LONP2: variants seen among roughly 807,000 people sequenced by gnomAD.
LONP2 encodes lon protease homolog 2, peroxisomal.
In LONP2, 60 loss-of-function variants were observed where a neutral mutation model predicts 85.6. That is an observed-to-expected ratio of 0.70 (90% confidence interval 0.57 to 0.87). LONP2 has a LOEUF of 0.87. Ranked by LOEUF, LONP2 falls within the 40% of genes least tolerant of loss-of-function variation. LONP2 has a pLI of 0.00. For missense variants in LONP2, 860 were observed against 1,063.5 expected (o/e 0.81, Z 2.66); for synonymous variants, 395 against 389.7 (o/e 1.01, Z -0.16).
chr16:48,273,350 G>T (rs969193708), intron 7 of LONP2, among the ~76,000 whole-genome samples: 1 of 152,098 alleles, frequency 6.6e-6, no homozygotes, highest in African/African-American at 2.4e-5. Flanking sequence ...TGTTTTTTAT[G>T]GTTAAATGAT....
chr16:48,285,305 C>A (rs764166132), intron 8 of LONP2, among the ~76,000 whole-genome samples: 14 of 151,940 alleles, frequency 9.2e-5, no homozygotes, highest in Non-Finnish European at 2.1e-4. Context: ...GACAGATTGA[C>A]TGTGTTTATG....
intron 11 of LONP2, among the ~76,000 whole-genome samples, chr16:48,318,031 T>C (rs1273186953): frequency 6.6e-6 from 1 of 152,006 alleles, no homozygotes; most frequent in Non-Finnish European, 1.5e-5. Context: ...TACATCCTTT[T>C]ATTATGTGGT....
chr16:48,351,081 A>C (rs1013056234), intron 14 of LONP2, among the ~76,000 whole-genome samples: 1 of 152,192 alleles, frequency 6.6e-6, no homozygotes, highest in Admixed American at 6.5e-5. Context: ...CATTGTAGAC[A>C]TGTTTGAAAG....
downstream of LONP2, among the ~76,000 whole-genome samples, chr16:48,357,512 C>G (rs934651039): frequency 6.6e-6 from 1 of 152,212 alleles, no homozygotes; most frequent in Non-Finnish European, 1.5e-5. Flanking sequence ...ATACCACAGT[C>G]CTGCGTGGTA....
At chr16:48,336,382 G>A (rs1206677646) in intron 12 of LONP2, 1 of 456,236 alleles carries the variant, frequency 2.2e-6, no homozygotes, top group South Asian at 1.5e-5. Context: ...TAGCCATTTT[G>A]TCTTTTATAG....
intron 11 of LONP2, among the ~76,000 whole-genome samples, chr16:48,309,815 T>C (rs1972991973): frequency 1.3e-5 from 2 of 152,212 alleles, no homozygotes; most frequent in Admixed American, 1.3e-4. Context: ...ATGTATCTTT[T>C]GTGGTTGTTG....
chr16:48,285,555 G>A (rs1367805849), intron 8 of LONP2, among the ~76,000 whole-genome samples: 2 of 151,910 alleles, frequency 1.3e-5, no homozygotes, highest in Non-Finnish European at 2.9e-5. Context: ...TCTTCAGACA[G>A]GATCATCTCA....
At chr16:48,253,093 A>G (rs1264683335) in intron 2 of LONP2, among the ~76,000 whole-genome samples, 2 of 152,234 alleles carry the variant, frequency 1.3e-5, no homozygotes, top group Non-Finnish European at 2.9e-5. Flanking sequence ...GTGTGGGGCA[A>G]GTGTTCATAG....
intron 8 of LONP2, among the ~76,000 whole-genome samples, chr16:48,293,296 C>T (rs373910447): frequency 6.6e-5 from 10 of 152,002 alleles, no homozygotes; most frequent in African/African-American, 2.4e-4. Context: ...TGCATGGTGG[C>T]GGGCGCCTGT....
At chr16:48,296,208 A>G in intron 9 of LONP2, 43 bp downstream of exon 9, 1 of 1,589,932 alleles carries the variant, frequency 6.3e-7, no homozygotes, top group Non-Finnish European at 8.6e-7. Context: ...TGCCTTTCTG[A>G]CCATAACTTT....
intron 12 of LONP2, among the ~76,000 whole-genome samples, chr16:48,343,394 A>G (rs1313309399): frequency 2.6e-5 from 4 of 152,164 alleles, no homozygotes; most frequent in African/African-American, 9.7e-5. Flanking sequence ...AACTAATAGC[A>G]TTGATGTATT....
intron 6 of LONP2, among the ~76,000 whole-genome samples, chr16:48,263,112 G>A (rs1971912605): frequency 6.6e-6 from 1 of 152,094 alleles, no homozygotes; most frequent in African/African-American, 2.4e-5. Flanking sequence ...AATCTTCATA[G>A]CCATAAACAT....
In LONP2 at chr16:48,352,845, T is replaced by C. The variant is rs919971350; in HGVS notation, c.*1043T>C. On this transcript the variant is annotated 3_prime_UTR_variant, in exon 15 of 15. Transcript: ENST00000285737. ...GAGGGAGGCAGCCATCCATCTGGGA[T>C]GGTCCTAAGCATGGAATCCTAACTC... 2.0e-5 allele frequency: 3 copies of C among 151,834 alleles called. No homozygotes were observed. Among genetic ancestry groups the C allele is most frequent in the Non-Finnish European group, 4.4e-5 (3 of 68,018 alleles). 9.4% of individuals were successfully genotyped at this position (151,834 alleles called of 1,614,324 possible). A position where few individuals can be genotyped will look rare whatever the true frequency, so the allele number is the denominator to read the frequency against.
intron 1 of LONP2, 36 bp downstream of exon 1, chr16:48,244,657 C>G: frequency 7.6e-7 from 1 of 1,312,668 alleles, no homozygotes; most frequent in Admixed American, 4.2e-5. Flanking sequence ...CGGCGGGCGG[C>G]GCGGCCTCCT....
intron 12 of LONP2, among the ~76,000 whole-genome samples, chr16:48,347,164 A>G (rs1959990952): frequency 1.3e-5 from 2 of 152,128 alleles, no homozygotes; most frequent in Admixed American, 1.3e-4. Context: ...AAATATATAT[A>G]TATTTGCAGC....
At chr16:48,299,221 C>T (rs1257720370) in intron 9 of LONP2, among the ~76,000 whole-genome samples, 1 of 151,960 alleles carries the variant, frequency 6.6e-6, no homozygotes, top group Non-Finnish European at 1.5e-5. Flanking sequence ...TAATTATAGT[C>T]TCATTTGAAA....
At chr16:48,324,237 T>A (rs1038169420) in intron 11 of LONP2, among the ~76,000 whole-genome samples, 1 of 152,242 alleles carries the variant, frequency 6.6e-6, no homozygotes, top group Non-Finnish European at 1.5e-5. Flanking sequence ...GCATTTCATG[T>A]CACTTTTAAA....
At chr16:48,279,012 G>A (rs948297125) in intron 8 of LONP2, among the ~76,000 whole-genome samples, 3 of 151,834 alleles carry the variant, frequency 2.0e-5, no homozygotes, top group Admixed American at 2.0e-4. Flanking sequence ...TTCTCTGCAT[G>A]TTCTTTTATA....
At chr16:48,304,240 A>G (rs916320742) in intron 11 of LONP2, among the ~76,000 whole-genome samples, 3 of 152,260 alleles carry the variant, frequency 2.0e-5, no homozygotes, top group Admixed American at 1.3e-4. Flanking sequence ...AGGTACTGCA[A>G]GGACAGACCT....
Sources: gnomAD v4.1 joint callset for allele counts (sites outside exome capture counted in the v4.1 genomes callset) on GRCh38, gnomAD v4.1.1 for gene constraint, MANE v1.5 for transcripts, NCBI Gene and HGNC (gene_info 2026-07-23, HGNC 2026-07-21) for gene names.